Variants in PER2 observed in about 807,000 individuals in gnomAD.
The protein encoded by PER2 is period circadian regulator 2.
In PER2, 66 loss-of-function variants were observed where a neutral mutation model predicts 121.0. The ratio of observed to expected loss-of-function variants is 0.55; its 90% CI spans 0.45 to 0.67. PER2 has a LOEUF of 0.67. Ranked by LOEUF, PER2 falls within the 30% of genes least tolerant of loss-of-function variation. The pLI is 0.00. For missense variants in PER2, 1,521 were observed against 1,635.0 expected (o/e 0.93, Z 1.20); for synonymous variants, 684 against 659.9 (o/e 1.04, Z -0.56).
intron 3 of PER2, among the ~76,000 whole-genome samples, chr2:238,276,892 C>T (rs190044897): frequency 7.8e-4 from 119 of 152,242 alleles, no homozygotes; most frequent in African/African-American, 2.3e-3. Flanking sequence ...AAGTCGGCTT[C>T]GAGTAGAGCT....
chr2:238,277,021 GT>G (rs1227434987), intron 3 of PER2, 109 bp downstream of exon 3: 1 of 843,874 alleles, frequency 1.2e-6, no homozygotes, highest in Non-Finnish European at 2.1e-6. Context: ...ACACAGATGG[GT>G]TTTAGCACAG....
Position 238,253,382 on chromosome 2 carries a change from C to G in PER2, c.2641G>C (p.Val881Leu). The change falls in exon 19 of 23, where the codon GTG becomes CTG. Residue 881 changes from valine (V) to leucine (L), a missense_variant. Physicochemically the swap from Val to Leu is conservative, Grantham distance 32. Transcript: ENST00000254657. This position sits in a 1 kb window ranked among gnomAD's most constrained non-coding sequence, Gnocchi z 5.6. ...AACTGGTGCTGGAGGTCCACGGGCA[C>G]AGCAGGCACTGTGAAGCTGGCGTGG... ...PPHASFTVPA[V>L]PVDLQHQFAV... 1.2e-6 allele frequency: 2 copies of G among 1,612,176 alleles called. No homozygotes were observed. Among genetic ancestry groups the G allele is most frequent in the Non-Finnish European group, 1.7e-6 (2 of 1,178,782 alleles).
At chr2:238,297,916 T>C in the PER2 span, among the ~76,000 whole-genome samples, 2 of 152,218 alleles carry the variant, frequency 1.3e-5, no homozygotes, top group Non-Finnish European at 2.9e-5. Context: ...CTGGCTTGCC[T>C]CGTGTGGCTC....
intron 1 of PER2, among the ~76,000 whole-genome samples, chr2:238,287,449 G>A (rs1696821663): frequency 6.6e-6 from 1 of 152,264 alleles, no homozygotes; most frequent in Admixed American, 6.5e-5. Context: ...AAGAAGTCTA[G>A]CAGTCCTGCT....
At position 238,258,289 on chromosome 2, in the gene PER2, C is replaced by T; in HGVS notation, c.1887G>A (p.Gly629=). 1.2e-6 allele frequency: 2 copies of T among 1,614,208 alleles called. No homozygotes were observed. The highest frequency in any genetic ancestry group is 1.3e-5 in the African/African-American group (1 of 75,050). ...SDKRKATVSP[G]PHAGEAEPPS... Reference sequence around the variant, plus strand: ...CAGATTAGATACCTCCAGCGTGTGGCCCTGGGCTGACTGTGGCCTTCCGCT... The same window carrying T: ...CAGATTAGATACCTCCAGCGTGTGGTCCTGGGCTGACTGTGGCCTTCCGCT... The change falls in exon 16 of 23, where the codon GGG becomes GGA. Residue 629 remains glycine (G), a synonymous_variant. Coordinates refer to ENST00000254657, the MANE Select transcript of PER2 (RefSeq NM_022817.3).
chr2:238,265,687 A>T lies in PER2; in HGVS notation c.968-97T>A, dbSNP rs1216911566. ...AGAAAACACCCTGTAGATTCAGAGT[A>T]ATGAGCAGCTAAAGAAAAAAATTAA... On this transcript the variant is annotated intron_variant, in intron 8 of 22. Transcript: ENST00000254657. 6 of 794,056 alleles carry T rather than the reference A, an allele frequency of 7.6e-6. No homozygotes were observed. The African/African-American group carries it at 1.0e-4, about 14-fold the overall frequency. 49.2% of individuals were successfully genotyped at this position (794,056 alleles called of 1,614,324 possible). A position where few individuals can be genotyped will look rare whatever the true frequency, so the allele number is the denominator to read the frequency against.
At chr2:238,266,192 T>A (rs62194938) in intron 8 of PER2, among the ~76,000 whole-genome samples, 1 of 152,040 alleles carries the variant, frequency 6.6e-6, no homozygotes, top group Non-Finnish European at 1.5e-5. Context: ...CGTGAGCCAC[T>A]GCGCCCGGCC....
At chr2:238,285,261 C>A (rs1696749148) in intron 1 of PER2, among the ~76,000 whole-genome samples, 2 of 151,062 alleles carry the variant, frequency 1.3e-5, no homozygotes, top group South Asian at 4.2e-4. Flanking sequence ...AGCTGGGTTG[C>A]CTCAACTTGA....
At position 238,258,370 on chromosome 2, in the gene PER2, G is replaced by A; in HGVS notation, c.1806C>T (p.Thr602=). 1 of 1,614,172 alleles carries A rather than the reference G, an allele frequency of 6.2e-7. No homozygotes were observed. Among genetic ancestry groups the A allele is most frequent in the Non-Finnish European group, 8.5e-7 (1 of 1,180,032 alleles). The change falls in exon 16 of 23, where the codon ACC becomes ACT. Residue 602 remains threonine, a synonymous_variant. Transcript: ENST00000254657. The part of the protein sequence containing the change: ...RYLESCNEAA[T]LKRKCEFPAN... ...CTGGGAACTCGCATTTCCTCTTCAG[G>A]GTGGCAGCCTCATTGCAGCTCTCCA...
In PER2 at chr2:238,275,776, T is replaced by G; in HGVS notation, c.415A>C (p.Lys139Gln). ...TGCTTCACGCTCCTGAGGGCGTACT[T>G]CAAGGTGGCCAGCGTACTGGCCTTG... The part of the protein sequence containing the change: ...KGKASTLATL[K>Q]YALRSVKQVK... Residue 139 changes from lysine to glutamine, a missense_variant, in exon 4 of 23, where the codon AAG becomes CAG. Transcript: ENST00000254657. 6.2e-7 allele frequency: 1 copy of G among 1,614,224 alleles called. No homozygotes were observed.
chr2:238,247,753 G>A (rs141255974), intron 22 of PER2, among the ~76,000 whole-genome samples: 21 of 152,230 alleles, frequency 1.4e-4, no homozygotes, highest in Non-Finnish European at 2.6e-4. Context: ...CTGGAGAGGA[G>A]GGAAGGAGAG....
At chr2:238,261,005 G>C (rs1279924035) in intron 12 of PER2, 52 bp from the exon 13 acceptor site, 1 of 1,593,352 alleles carries the variant, frequency 6.3e-7, no homozygotes, top group African/African-American at 1.3e-5. Flanking sequence ...GCTGAGCTAT[G>C]CATGTGGCCC....
chr2:238,249,218 C>A lies in PER2; in HGVS notation c.3468-6G>T, dbSNP rs771863633. ...TCAAAACCGCTTCTAAATTTCTTCGCAAGATATTTAGAAATCGGTAAGCTT... is the reference window on the plus strand; with the variant it reads ...TCAAAACCGCTTCTAAATTTCTTCGAAAGATATTTAGAAATCGGTAAGCTT... On this transcript the variant is annotated splice_polypyrimidine_tract_variant and splice_region_variant and intron_variant, in intron 21 of 22. Transcript: ENST00000254657. The A allele has an allele frequency of 1.1e-5, 18 of 1,612,644 alleles. No homozygotes were observed. Among genetic ancestry groups the A allele is most frequent in the Non-Finnish European group, 1.5e-5 (18 of 1,178,994 alleles).
intron 1 of PER2, among the ~76,000 whole-genome samples, chr2:238,281,777 G>A (rs1249885654): frequency 1.3e-5 from 2 of 152,220 alleles, no homozygotes; most frequent in African/African-American, 4.8e-5. Context: ...TGGTGGTGTA[G>A]TAATAGGGTA....
Position 238,260,085 on chromosome 2 carries a change from A to AC in PER2, c.1543-33_1543-32insG, listed in dbSNP as rs746651250. ...GAAAAACAAAATGAACACATTATTC[A>AC]TTCTAGGAGACCTCCTTCAGTCTGT... is the stretch of plus-strand genomic sequence containing the variant. On this transcript the variant is annotated intron_variant, in intron 13 of 22. Coordinates refer to ENST00000254657, the MANE Select transcript of PER2 (RefSeq NM_022817.3). 7.5e-6 allele frequency: 7 copies of AC among 936,884 alleles called. No individual in the cohort carries two copies. The East Asian group carries it at 1.7e-4, about 23-fold the overall frequency. The allele number at this position is 936,884 out of a possible 1,614,324, so 58.0% of individuals were successfully genotyped here. A position where few individuals can be genotyped will look rare whatever the true frequency, so the allele number is the denominator to read the frequency against.
chr2:238,287,100 C>G (rs1038831190), intron 1 of PER2, among the ~76,000 whole-genome samples: 3 of 152,214 alleles, frequency 2.0e-5, no homozygotes, highest in African/African-American at 7.2e-5. Context: ...CCAGCAGCAG[C>G]CAGCTGGCTG....
the PER2 span, chr2:238,299,074 C>A: frequency 5.3e-5 from 8 of 152,216 alleles, no homozygotes; most frequent in East Asian, 1.9e-4. Context: ...AGTTCGAGAC[C>A]AGCCTGGCCA....
At chr2:238,286,185 T>A (rs923364332) in intron 1 of PER2, among the ~76,000 whole-genome samples, 4 of 152,200 alleles carry the variant, frequency 2.6e-5, no homozygotes, top group Admixed American at 2.6e-4. Flanking sequence ...GGTCAGGGAC[T>A]GAGCTACTCC....
At chr2:238,298,048 T>C in the PER2 span, among the ~76,000 whole-genome samples, 1 of 150,616 alleles carries the variant, frequency 6.6e-6, no homozygotes, top group African/African-American at 2.4e-5. Context: ...TTTTTTTTTT[T>C]GTGATACGGA....
Sources: gnomAD v4.1 joint callset for allele counts (sites outside exome capture counted in the v4.1 genomes callset) on GRCh38, gnomAD v4.1.1 for gene constraint, Gnocchi (gnomAD v3.1) non-coding constraint, MANE v1.5 for transcripts, NCBI Gene and HGNC (gene_info 2026-07-23, HGNC 2026-07-21) for gene names.